The following RIN2 variants were observed in gnomAD, a reference collection of about 807,000 sequenced individuals.
RIN2 encodes Ras and Rab interactor 2, also known as RAB5 interacting protein 2.
A neutral mutation model predicts 78.0 loss-of-function variants in RIN2; 36 were observed. The ratio of observed to expected loss-of-function variants is 0.46; its 90% confidence interval spans 0.35 to 0.61. RIN2 has a LOEUF of 0.61. Among genes scored for constraint, RIN2 ranks in the 20% least tolerant of loss-of-function variants. The probability of loss-of-function intolerance (pLI) is 0.00; values close to 1 mark genes in which losing one functional copy is unlikely to be tolerated. For synonymous variants in RIN2, 466 were observed against 466.8 expected (o/e 1.00, Z 0.02); for missense variants, 1,087 against 1,159.7 (o/e 0.94, Z 0.91).
At chr20:19,844,009 C>A (rs1329411816) in intron 2 of RIN2, among the ~76,000 whole-genome samples, 1 of 152,032 alleles carries the variant, frequency 6.6e-6, no homozygotes, top group Non-Finnish European at 1.5e-5. Context: ...CTTTAGAGTA[C>A]AAATACCTTC....
At chr20:19,851,029 G>T in intron 2 of RIN2, among the ~76,000 whole-genome samples, 1 of 112,274 alleles carries the variant, frequency 8.9e-6, no homozygotes, top group Non-Finnish European at 1.8e-5. Flanking sequence ...AAGGAAGGAA[G>T]GAAGGAAGGA....
chr20:19,996,929 A>T (rs2042987213), intron 12 of RIN2, 87 bp downstream of exon 12: 3 of 1,332,818 alleles, frequency 2.3e-6, no homozygotes, highest in Middle Eastern at 2.7e-4. Context: ...AGAGGTCCCC[A>T]CTGTGTTGAA....
At chr20:19,851,011 AAGGAAGGAAGGAAGGAAGGAAGGAAG>A (rs2036944880) in intron 2 of RIN2, among the ~76,000 whole-genome samples, 1 of 91,638 alleles carries the variant, frequency 1.1e-5, no homozygotes, top group African/African-American at 4.9e-5. Flanking sequence ...GGAAGGAAGG[AAGGAAGGAAGGAAGGAAGGAAGGAAG>A]GAAGGAAGGA....
chr20:19,970,166 C>G (rs754514119), intron 7 of RIN2, among the ~76,000 whole-genome samples: 13 of 152,254 alleles, frequency 8.5e-5, no homozygotes, highest in Non-Finnish European at 1.8e-4. Flanking sequence ...CAGGGTCCAG[C>G]AGCATCAGCA....
At chr20:19,917,764 GTTTTAAAGGCGGAATCGCC>G (rs915022200) in intron 3 of RIN2, among the ~76,000 whole-genome samples, 85 of 150,670 alleles carry the variant, frequency 5.6e-4, no homozygotes, top group African/African-American at 1.2e-3. Flanking sequence ...CAAGAAATAT[GTTTTAAAGGCGGAATCGCC>G]TTTTAAAGGC....
chr20:19,889,184 T>C (rs891095958), intron 2 of RIN2: 10 of 985,352 alleles, frequency 1.0e-5, no homozygotes, highest in Non-Finnish European at 1.2e-5. Context: ...AACCTCCTTC[T>C]TCAGCTGTCC....
At chr20:19,839,088 C>G (rs1468706685) in intron 2 of RIN2, among the ~76,000 whole-genome samples, 3 of 152,170 alleles carry the variant, frequency 2.0e-5, no homozygotes, top group African/African-American at 4.8e-5. Context: ...TCTGCGCAGC[C>G]CCAGTGCTCA....
At chr20:19,874,086 T>TGTGTGTGTGTG (rs55827998) in intron 2 of RIN2, among the ~76,000 whole-genome samples, 2 of 145,672 alleles carry the variant, frequency 1.4e-5, no homozygotes, top group Admixed American at 1.4e-4. Context: ...GTGTGTGTGT[T>TGTGTGTGTGTG]TGTGTGTGTT....
At chr20:19,918,888 G>A (rs2039793598) in intron 3 of RIN2, among the ~76,000 whole-genome samples, 1 of 152,192 alleles carries the variant, frequency 6.6e-6, no homozygotes, top group Non-Finnish European at 1.5e-5. Context: ...ATTGAAGTTG[G>A]CATAGTTATA....
chr20:19,782,963 C>T (rs1246866092), intron 1 of RIN2, among the ~76,000 whole-genome samples: 1 of 152,202 alleles, frequency 6.6e-6, no homozygotes, highest in Non-Finnish European at 1.5e-5. Context: ...CAGCTTTGGA[C>T]AGTGAGTGTC....
At chr20:19,977,976 G>A (rs1001091519) in intron 9 of RIN2, among the ~76,000 whole-genome samples, 5 of 152,156 alleles carry the variant, frequency 3.3e-5, no homozygotes, top group African/African-American at 1.2e-4. Context: ...AAGAAGGTGA[G>A]TGGGAGCAGA....
chr20:19,927,964 A>G (rs13036613), intron 3 of RIN2, among the ~76,000 whole-genome samples: 13,885 of 151,970 alleles, frequency 0.091, 1,089 homozygotes, highest in African/African-American at 0.21. Flanking sequence ...GTGCAGTGGT[A>G]TGACCTCGGC....
chr20:20,000,238 G>T (rs1007206043), intron 12 of RIN2, among the ~76,000 whole-genome samples: 2 of 152,198 alleles, frequency 1.3e-5, no homozygotes, highest in Middle Eastern at 3.2e-3. Flanking sequence ...ATCTCTTTCT[G>T]CTGACTTCCT....
At chr20:19,889,479 G>T in intron 2 of RIN2, 87 bp from the exon 3 acceptor site, 1 of 1,308,790 alleles carries the variant, frequency 7.6e-7, no homozygotes, top group Non-Finnish European at 1.1e-6. Flanking sequence ...AAAAGATCTT[G>T]GCAGGACTGT....
chr20:19,894,533 T>A (rs1359703989), intron 3 of RIN2, among the ~76,000 whole-genome samples: 1 of 152,226 alleles, frequency 6.6e-6, no homozygotes, highest in African/African-American at 2.4e-5. Flanking sequence ...ATTTCAGGCA[T>A]GAGCCAGCAC....
At chr20:19,846,682 C>T (rs997894079) in intron 2 of RIN2, among the ~76,000 whole-genome samples, 25 of 152,318 alleles carry the variant, frequency 1.6e-4, no homozygotes, top group African/African-American at 5.8e-4. Flanking sequence ...TATTTGATTT[C>T]CTCTCTTCCT....
intron 3 of RIN2, among the ~76,000 whole-genome samples, chr20:19,921,328 CT>C (rs991790734): frequency 2.4e-4 from 36 of 152,136 alleles, no homozygotes; most frequent in African/African-American, 8.7e-4. Flanking sequence ...CGAGCAGTCT[CT>C]TTTTAGTGGA....
rs770265143 is a variant in RIN2 at position 19,975,370 on chromosome 20, C to T, written c.1345C>T (p.Pro449Ser). The change falls in exon 9 of 13, where the codon CCT becomes TCT. Residue 449 changes from proline (P) to serine (S), a missense_variant. Physicochemically the swap from Pro to Ser is moderately conservative, Grantham distance 74 (BLOSUM62 -1). Around this residue, in one of 8 missense-constraint regions of RIN2, gnomAD observed 706 missense variants for 667.5 expected, o/e 1.06. Coordinates refer to ENST00000255006, the MANE Select transcript of RIN2 (RefSeq NM_018993.4). This position sits in a 1 kb window ranked among gnomAD's most constrained non-coding sequence, Gnocchi z 4.9. ...CTCGCTGGAGTTCGACCGGAGCATG[C>T]CTCTGTTTGGCTACGAGGCGGACAC... ...SDSLEFDRSMPLFGYEADTNS... is the reference protein window; with the variant it reads ...SDSLEFDRSMSLFGYEADTNS... The T allele has an allele frequency of 1.9e-6, 3 of 1,613,810 alleles. No homozygotes were observed. The highest frequency in any genetic ancestry group is 2.7e-5 in the African/African-American group (2 of 74,960).
chr20:19,888,205 G>A (rs1160028565), intron 2 of RIN2, among the ~76,000 whole-genome samples: 2 of 152,152 alleles, frequency 1.3e-5, no homozygotes, highest in Non-Finnish European at 2.9e-5. Flanking sequence ...AAGAGACGAT[G>A]GTTCTGGAAG....
Sources: allele counts gnomAD v4.1 joint callset (sites outside exome capture counted in the v4.1 genomes callset), GRCh38; gene constraint gnomAD v4.1.1; regional missense constraint gnomAD v4.1.1; non-coding constraint Gnocchi (gnomAD v3.1); transcripts MANE v1.5; gene names NCBI Gene and HGNC (gene_info 2026-07-23, HGNC 2026-07-21).